CLCA1: variants seen among roughly 807,000 people sequenced by gnomAD.
CLCA1 encodes calcium-activated chloride channel regulator 1.
CLCA1 carries 59 observed loss-of-function variants against 85.6 expected under a neutral mutation model. The ratio of observed to expected loss-of-function variants is 0.69; its 90% CI spans 0.56 to 0.86. CLCA1 has a LOEUF of 0.86. CLCA1 is among the 40% of genes least tolerant of loss of function. The pLI is 0.00. For missense variants in CLCA1, 1,022 were observed against 1,101.4 expected (o/e 0.93, Z 1.02); for synonymous variants, 396 against 398.3 (o/e 0.99, Z 0.07).
At chr1:86,476,953 A>G (rs1003522036) in intron 4 of CLCA1, among the ~76,000 whole-genome samples, 1 of 152,216 alleles carries the variant, frequency 6.6e-6, no homozygotes, top group African/African-American at 2.4e-5. Context: ...TCTGTCACCC[A>G]GGCTGGAGCG....
intron 10 of CLCA1, 149 bp from the exon 11 acceptor site, chr1:86,494,038 G>A (rs747917982): frequency 6.4e-5 from 54 of 847,472 alleles, no homozygotes; most frequent in Middle Eastern, 3.0e-4. Context: ...GAAGCTCCCC[G>A]TGGCTGACAG....
intron 3 of CLCA1, among the ~76,000 whole-genome samples, chr1:86,474,588 A>T (rs1647597085): frequency 6.6e-6 from 1 of 151,102 alleles, no homozygotes; most frequent in South Asian, 2.1e-4. Context: ...CTCATTCATT[A>T]GGTGTGGGAT....
At chr1:86,497,866 G>A (rs987468140) in intron 12 of CLCA1, among the ~76,000 whole-genome samples, 4 of 152,106 alleles carry the variant, frequency 2.6e-5, no homozygotes, top group South Asian at 2.1e-4. Context: ...CTTTAGGCCC[G>A]GCACAGTGGC....
chr1:86,480,719 A>T (rs550051932), intron 4 of CLCA1, among the ~76,000 whole-genome samples: 2 of 152,342 alleles, frequency 1.3e-5, no homozygotes, highest in African/African-American at 4.8e-5. Flanking sequence ...TTTGATAGGG[A>T]TGAGATTCAT....
Position 86,494,381 on chromosome 1 carries a change from T to C in CLCA1, c.1875T>C (p.Ser625=). 1 of 1,613,976 alleles carries C rather than the reference T, an allele frequency of 6.2e-7. No homozygotes were observed. Among genetic ancestry groups the C allele is most frequent in the Non-Finnish European group, 8.5e-7 (1 of 1,179,780 alleles). The change falls in exon 11 of 14, where the codon AGT becomes AGC. Residue 625 remains serine, a synonymous_variant. Coordinates refer to ENST00000394711, the MANE Select transcript of CLCA1 (RefSeq NM_001285.4). ...GAGCCTCCCCAATTCTCAGGGCCAG[T>C]GTCACAGCCCTGATTGAATCAGTGA... is the stretch of plus-strand genomic sequence containing the variant. ...RQGASPILRA[S]VTALIESVNG...
chr1:86,493,235 T>G (rs918922794), intron 9 of CLCA1, 149 bp from the exon 10 acceptor site: 2 of 637,126 alleles, frequency 3.1e-6, no homozygotes, highest in African/African-American at 3.6e-5. Context: ...AACTTAGAAC[T>G]GCATCATAAT....
chr1:86,487,518 G>A (rs1452192716), intron 7 of CLCA1, among the ~76,000 whole-genome samples: 2 of 152,182 alleles, frequency 1.3e-5, no homozygotes, highest in African/African-American at 4.8e-5. Context: ...TCAGGGTGAT[G>A]AGGCAAAGGA....
chr1:86,478,251 T>C (rs1422260194), intron 4 of CLCA1, among the ~76,000 whole-genome samples: 2 of 151,894 alleles, frequency 1.3e-5, no homozygotes, highest in East Asian at 3.9e-4. Context: ...CATGGAAAAC[T>C]CCGTCTCTAC....
intron 12 of CLCA1, among the ~76,000 whole-genome samples, chr1:86,497,880 C>T (rs1185756876): frequency 1.3e-5 from 2 of 152,150 alleles, no homozygotes; most frequent in African/African-American, 4.8e-5. Context: ...CAGTGGCTCA[C>T]TCCTGTAATC....
chr1:86,496,158 C>G (rs543622932), intron 12 of CLCA1, among the ~76,000 whole-genome samples: 1 of 152,206 alleles, frequency 6.6e-6, no homozygotes, highest in Non-Finnish European at 1.5e-5. Context: ...ATCTAACAAA[C>G]TGTTACTGGT....
intron 5 of CLCA1, among the ~76,000 whole-genome samples, chr1:86,483,135 C>G (rs1647864989): frequency 6.6e-6 from 1 of 152,114 alleles, no homozygotes; most frequent in Non-Finnish European, 1.5e-5. Flanking sequence ...TGTGATGCAC[C>G]ATGGCTCACC....
rs773042182 is a variant in CLCA1, at chr1:86,468,961, G to GATGTA, written c.-10_-6dup. 8.8e-6 allele frequency: 14 copies of GATGTA among 1,591,698 alleles called. No homozygotes were observed. The South Asian group carries it at 1.6e-4, about 18-fold the overall frequency. On this transcript the variant is annotated 5_prime_UTR_variant, in exon 1 of 14. It adds an upstream start codon to the 5' untranslated region. Transcript: ENST00000394711. ...TTTCCAAAGAGAGAAATCACAGGGA[G>GATGTA]ATGTACAGCAATGGGGCCATTTAAG... is the stretch of plus-strand genomic sequence containing the variant.
chr1:86,499,595 C>A, intron 13 of CLCA1, 59 bp from the exon 14 acceptor site: 1 of 1,142,794 alleles, frequency 8.8e-7, no homozygotes, highest in Non-Finnish European at 1.2e-6. Flanking sequence ...AGCTCTACTG[C>A]TTAAGAAGTT....
At chr1:86,476,345 A>T in intron 3 of CLCA1, 103 bp from the exon 4 acceptor site, 1 of 599,734 alleles carries the variant, frequency 1.7e-6, no homozygotes, top group Non-Finnish European at 3.0e-6. Flanking sequence ...TTAAAAAATT[A>T]ACACAGCAAA....
intron 5 of CLCA1, 109 bp from the exon 6 acceptor site, chr1:86,485,234 T>C: frequency 1.3e-6 from 1 of 789,118 alleles, no homozygotes; most frequent in Admixed American, 2.4e-5. Context: ...ACAGTGATTG[T>C]GCAATTGAGC....
chr1:86,481,299 C>A (rs369793766), intron 4 of CLCA1, among the ~76,000 whole-genome samples: 3 of 151,684 alleles, frequency 2.0e-5, no homozygotes, highest in Non-Finnish European at 2.9e-5. Flanking sequence ...ACCATGCCCA[C>A]CTAATTTTCA....
chr1:86,485,159 G>T (rs1218560231), intron 5 of CLCA1, among the ~76,000 whole-genome samples, 184 bp from the exon 6 acceptor site: 1 of 152,154 alleles, frequency 6.6e-6, no homozygotes, highest in Non-Finnish European at 1.5e-5. Context: ...GGTCCAATGA[G>T]ATTGAAGGCC....
Position 86,485,357 on chromosome 1 carries a change from T to C in CLCA1, c.750T>C (p.Cys250=), listed in dbSNP as rs775264162. Residue 250 remains cysteine (C), a synonymous_variant, in exon 6 of 14, where the codon TGT becomes TGC. Transcript: ENST00000394711. The part of the protein sequence containing the change: ...AQHVDSIVEF[C]TEQNHNKEAP... ...GACAATTTCAGATAGTTGAATTCTGTACAGAACAAAACCACAACAAAGAAG... is the reference window on the plus strand; with the variant it reads ...GACAATTTCAGATAGTTGAATTCTGCACAGAACAAAACCACAACAAAGAAG... 57 of 1,613,136 alleles carry C rather than the reference T, an allele frequency of 3.5e-5. 1 individual carries two copies. Among genetic ancestry groups the C allele is most frequent in the South Asian group, 3.3e-4 (30 of 91,074 alleles).
chr1:86,483,065 T>G (rs1193879960), intron 5 of CLCA1, among the ~76,000 whole-genome samples: 4 of 152,180 alleles, frequency 2.6e-5, no homozygotes, highest in Admixed American at 2.6e-4. Flanking sequence ...CCTTTTGGAA[T>G]AGAGGGTGCA....
Sources: allele counts gnomAD v4.1 joint callset (sites outside exome capture counted in the v4.1 genomes callset), GRCh38; gene constraint gnomAD v4.1.1; transcripts MANE v1.5; gene names NCBI Gene and HGNC (gene_info 2026-07-23, HGNC 2026-07-21).